Variants in C8orf34 observed in about 807,000 individuals in gnomAD.
C8orf34 encodes the protein uncharacterized protein C8orf34.
Under a neutral mutation model 68.3 loss-of-function variants are expected in C8orf34, and 65 were observed. The ratio of observed to expected loss-of-function variants is 0.95; its 90% confidence interval spans 0.78 to 1.17. The LOEUF is 1.17. Among genes scored for constraint, C8orf34 ranks in the 50% most tolerant of loss-of-function variants. The probability of loss-of-function intolerance (pLI) is 0.00; values close to 1 mark genes in which losing one functional copy is unlikely to be tolerated. For missense variants in C8orf34, 664 were observed against 655.4 expected (o/e 1.01, Z -0.14); for synonymous variants, 244 against 241.2 (o/e 1.01, Z -0.11).
intron 10 of C8orf34, among the ~76,000 whole-genome samples, chr8:68,760,107 T>C (rs1176025950): frequency 6.6e-6 from 1 of 152,104 alleles, no homozygotes; most frequent in Non-Finnish European, 1.5e-5. Context: ...AGTTGGCCTG[T>C]GGCTTGATAG....
chr8:68,666,618 A>T (rs1819850461), intron 8 of C8orf34, among the ~76,000 whole-genome samples: 1 of 152,228 alleles, frequency 6.6e-6, no homozygotes, highest in Admixed American at 6.5e-5. Context: ...GTGGCCTGCC[A>T]TTCATGAACT....
chr8:68,437,075 C>T (rs181418927), intron 1 of C8orf34, among the ~76,000 whole-genome samples: 51 of 152,296 alleles, frequency 3.3e-4, no homozygotes, highest in African/African-American at 1.2e-3. Flanking sequence ...TTGCAAACAT[C>T]GACTATGATC....
intron 11 of C8orf34, among the ~76,000 whole-genome samples, chr8:68,777,309 C>T (rs182932341): frequency 2.6e-5 from 4 of 152,322 alleles, no homozygotes; most frequent in African/African-American, 7.2e-5. Flanking sequence ...CTGGAGAGAA[C>T]TGAGGTGCTG....
rs1805555318 is a variant in C8orf34 at position 68,331,070 on chromosome 8, C to T, written c.58C>T (p.Arg20Trp). 3.5e-6 allele frequency: 5 copies of T among 1,444,902 alleles called. No individual in the cohort carries two copies. The highest frequency in any genetic ancestry group is 2.6e-5 in the South Asian group (2 of 75,620). 89.5% of individuals were successfully genotyped at this position (1,444,902 alleles called of 1,614,324 possible). A position where few individuals can be genotyped will look rare whatever the true frequency, so the allele number is the denominator to read the frequency against. ...SELAALRPGF[R>W]LSAPHARVAP... ...GTTGGCGGCGCTGCGCCCAGGCTTCCGGCTCTCAGCGCCCCACGCGCGCGT... is the reference window on the plus strand; with the variant it reads ...GTTGGCGGCGCTGCGCCCAGGCTTCTGGCTCTCAGCGCCCCACGCGCGCGT... Residue 20 changes from arginine to tryptophan, a missense_variant, in exon 1 of 14, where the codon CGG (arginine) becomes TGG (tryptophan). Arg to Trp is a moderately radical substitution (Grantham distance 101). Transcript: ENST00000518698.
intron 7 of C8orf34, among the ~76,000 whole-genome samples, chr8:68,583,096 G>C (rs892883016): frequency 1.3e-5 from 2 of 152,012 alleles, no homozygotes; most frequent in Non-Finnish European, 2.9e-5. Context: ...AGCTTTTCCT[G>C]TGTCTGCTGT....
At chr8:68,607,709 G>A (rs2130541326) in intron 7 of C8orf34, among the ~76,000 whole-genome samples, 1 of 152,198 alleles carries the variant, frequency 6.6e-6, no homozygotes, top group South Asian at 2.1e-4. Context: ...CCTTGTAAAT[G>A]AACCTACAAG....
At chr8:68,670,098 A>G (rs1819960999) in intron 8 of C8orf34, among the ~76,000 whole-genome samples, 1 of 152,170 alleles carries the variant, frequency 6.6e-6, no homozygotes, top group African/African-American at 2.4e-5. Context: ...TCATCTTAGT[A>G]TACTGATAGG....
At chr8:68,387,416 T>C (rs1808307151) in intron 1 of C8orf34, among the ~76,000 whole-genome samples, 1 of 152,086 alleles carries the variant, frequency 6.6e-6, no homozygotes. Context: ...AGGCAGCAGG[T>C]GAGGACTATT....
intron 2 of C8orf34, among the ~76,000 whole-genome samples, chr8:68,441,766 A>C (rs2129626130): frequency 6.6e-6 from 1 of 152,228 alleles, no homozygotes; most frequent in South Asian, 2.1e-4. Context: ...ACACCTCATC[A>C]CCTTTGCTAT....
intron 10 of C8orf34, among the ~76,000 whole-genome samples, chr8:68,774,349 A>ATATATATATATAT (rs562858909): frequency 4.7e-5 from 7 of 147,760 alleles, no homozygotes; most frequent in South Asian, 2.1e-4. Flanking sequence ...ATATATATAT[A>ATATATATATATAT]AAATAAACAA....
chr8:68,379,631 C>G (rs1379896256), intron 1 of C8orf34, among the ~76,000 whole-genome samples: 1 of 152,116 alleles, frequency 6.6e-6, no homozygotes, highest in Non-Finnish European at 1.5e-5. Context: ...CCTTTTGTTT[C>G]TCTTTGCAAT....
At position 68,460,906 on chromosome 8, in the gene C8orf34, G is replaced by A. The variant is rs891321823; in HGVS notation, c.608-7786G>A. On this transcript the variant is annotated intron_variant, in intron 3 of 13. Coordinates refer to ENST00000518698, the MANE Select transcript of C8orf34 (RefSeq NM_052958.4). ...AGTGCCTCTCCTCCTCCAAAGGAAC[G>A]CAGTTCCTCACCAGCAACGGAACAA... Among the ~76,000 whole-genome samples the A allele has an allele frequency of 4.6e-5, 7 of 152,324 alleles. No homozygotes were observed. In the South Asian group the frequency reaches 1.5e-3, roughly 32 times the overall value.
upstream of C8orf34, chr8:68,330,773 A>C: frequency 9.5e-6 from 4 of 419,388 alleles, no homozygotes; most frequent in South Asian, 5.5e-5. Context: ...GAAAGGAGGT[A>C]CACACAGTCG....
At chr8:68,575,461 C>T (rs372754863) in intron 7 of C8orf34, among the ~76,000 whole-genome samples, 13 of 152,110 alleles carry the variant, frequency 8.5e-5, no homozygotes, top group African/African-American at 2.4e-4. Flanking sequence ...ACTGCCTACT[C>T]GTGTTTTCAA....
chr8:68,812,854 C>T (rs1824695465), intron 12 of C8orf34, among the ~76,000 whole-genome samples: 1 of 152,088 alleles, frequency 6.6e-6, no homozygotes, highest in South Asian at 2.1e-4. Flanking sequence ...AGGTCATAAC[C>T]TCTAGAAACA....
At chr8:68,342,932 T>C (rs1806130774) in intron 1 of C8orf34, among the ~76,000 whole-genome samples, 1 of 152,080 alleles carries the variant, frequency 6.6e-6, no homozygotes, top group Admixed American at 6.5e-5. Context: ...CTGAGGTTGC[T>C]AAAATATACA....
chr8:68,545,514 G>A (rs1045137848), intron 7 of C8orf34, among the ~76,000 whole-genome samples: 3 of 152,082 alleles, frequency 2.0e-5, no homozygotes, highest in African/African-American at 7.2e-5. Flanking sequence ...AGATAGTACA[G>A]TGGTGGAACA....
chr8:68,789,057 A>C (rs895205532), intron 12 of C8orf34, among the ~76,000 whole-genome samples: 1 of 152,186 alleles, frequency 6.6e-6, no homozygotes, highest in Non-Finnish European at 1.5e-5. Context: ...GTTTTATGAA[A>C]AAATGCAAAC....
chr8:68,488,605 A>C (rs1361350484), intron 5 of C8orf34, among the ~76,000 whole-genome samples: 5 of 152,166 alleles, frequency 3.3e-5, no homozygotes, highest in Non-Finnish European at 7.4e-5. Context: ...TTGCAGAACA[A>C]ATCAGTCAAT....
Sources: allele counts gnomAD v4.1 joint callset (sites outside exome capture counted in the v4.1 genomes callset), GRCh38; gene constraint gnomAD v4.1.1; transcripts MANE v1.5; gene names NCBI Gene and HGNC (gene_info 2026-07-23, HGNC 2026-07-21).